Variants in ADGRV1 observed in about 807,000 individuals in gnomAD.
The protein encoded by ADGRV1 is G-protein coupled receptor 98.
ADGRV1 carries 359 observed loss-of-function variants against 596.2 expected under a neutral mutation model. That is an observed-to-expected ratio of 0.60 (90% CI 0.55 to 0.66). The LOEUF is 0.66. ADGRV1 is among the 30% of genes least tolerant of loss of function. The pLI, the probability that ADGRV1 is intolerant of heterozygous loss-of-function variation, is 0.00. For missense variants in ADGRV1, 7,274 were observed against 7,575.6 expected (o/e 0.96, Z 1.48); for synonymous variants, 2,681 against 2,679.2 (o/e 1.00, Z -0.02).
chr5:91,100,325 G>A (rs945199423), intron 86 of ADGRV1, among the ~76,000 whole-genome samples: 2 of 152,176 alleles, frequency 1.3e-5, no homozygotes, highest in Non-Finnish European at 2.9e-5. Context: ...GGGAGGCTGA[G>A]AGGTGGCAGG....
chr5:90,758,923 A>G lies in ADGRV1; in HGVS notation c.11941-486A>G, dbSNP rs578135059. Among the ~76,000 whole-genome samples, 386 of 152,282 alleles carry G rather than the reference A, an allele frequency of 2.5e-3. 4 individuals carry two copies. The highest frequency in any genetic ancestry group is 8.5e-3 in the South Asian group (41 of 4,822). On this transcript the variant is annotated intron_variant, in intron 57 of 89. Coordinates refer to ENST00000405460, the MANE Select transcript of ADGRV1 (RefSeq NM_032119.4). ...GTTGCAAGAACAATATTTGAAACCA[A>G]TGGGATTTATTTTAATTGTAGAAGA...
intron 85 of ADGRV1, among the ~76,000 whole-genome samples, chr5:91,010,023 G>A (rs1020943592): frequency 6.6e-6 from 1 of 151,964 alleles, no homozygotes; most frequent in South Asian, 2.1e-4. Flanking sequence ...CTTGATCAGG[G>A]TTACTCTGGT....
rs55761821 is a variant in ADGRV1, at chr5:90,722,716, C to CAAAAAAAAAAA, written c.9748+1687_9748+1697dup. On this transcript the variant is annotated intron_variant, in intron 45 of 89. Transcript: ENST00000405460. Reference sequence around the variant, plus strand: ...GGCAACAAGAGCAAAAACTCCGTCTCAAAAAAAAAAAAAAAAAAAAAAAAA... The same window carrying CAAAAAAAAAAA: ...GGCAACAAGAGCAAAAACTCCGTCTCAAAAAAAAAAAAAAAAAAAAAAAAAAAAAAAAAAAA... Among the ~76,000 whole-genome samples, 6 of 32,898 alleles carry CAAAAAAAAAAA rather than the reference C, an allele frequency of 1.8e-4. 1 individual carries two copies. Among genetic ancestry groups the CAAAAAAAAAAA allele is most frequent in the African/African-American group, 6.2e-4 (5 of 8,124 alleles). The allele number at this position is 32,898 out of a possible 152,430, so 21.6% of individuals were successfully genotyped here. A position where few individuals can be genotyped will look rare whatever the true frequency, so the allele number is the denominator to read the frequency against.
intron 78 of ADGRV1, among the ~76,000 whole-genome samples, chr5:90,844,066 T>C: frequency 6.6e-6 from 1 of 152,192 alleles, no homozygotes; most frequent in East Asian, 1.9e-4. Flanking sequence ...CAGATACTTA[T>C]TTGGGACATA....
intron 7 of ADGRV1, among the ~76,000 whole-genome samples, chr5:90,628,220 C>CAAAATAAAATAAAATTAAAATAAAAT (rs1765046755): frequency 2.3e-5 from 3 of 129,518 alleles, no homozygotes; most frequent in African/African-American, 9.8e-5. Flanking sequence ...ACCCCGCCCA[C>CAAAATAAAATAAAATTAAAATAAAAT]AAAATAAAAT....
chr5:90,678,918 T>C (rs1160306474), intron 25 of ADGRV1, among the ~76,000 whole-genome samples: 1 of 152,132 alleles, frequency 6.6e-6, no homozygotes, highest in African/African-American at 2.4e-5. Context: ...GCATCTTTCA[T>C]AGGTGAGGAA....
Position 90,652,424 on chromosome 5 carries a change from T to C in ADGRV1, c.3495T>C (p.Pro1165=), listed in dbSNP as rs773060456. 8 of 1,613,064 alleles carry C rather than the reference T, an allele frequency of 5.0e-6. No homozygotes were observed. Among genetic ancestry groups the C allele is most frequent in the Admixed American group, 3.3e-5 (2 of 59,998 alleles). ...TTCAGAATGATTCTGCTTTGCAGCC[T>C]GGGCAGGAGTTCTATGAAACTTCAG... ...QLFQNDSALQ[P]GQEFYETSGT... Residue 1165 remains proline (P), a synonymous_variant, in exon 19 of 90, where the codon CCT becomes CCC. Coordinates refer to ENST00000405460, the MANE Select transcript of ADGRV1 (RefSeq NM_032119.4).
intron 59 of ADGRV1, among the ~76,000 whole-genome samples, chr5:90,769,229 G>A (rs752035490): frequency 5.3e-5 from 8 of 152,014 alleles, no homozygotes; most frequent in Non-Finnish European, 8.8e-5. Flanking sequence ...GTTCTGAAAA[G>A]CTCTCCCTCT....
chr5:90,668,688 T>G (rs151268590), intron 21 of ADGRV1, among the ~76,000 whole-genome samples: 2 of 152,192 alleles, frequency 1.3e-5, no homozygotes, highest in Non-Finnish European at 2.9e-5. Flanking sequence ...TTTTAGAACT[T>G]AAAAAATTTA....
chr5:91,150,363 AC>A, intron 88 of ADGRV1, 142 bp downstream of exon 88: 1 of 604,830 alleles, frequency 1.7e-6, no homozygotes, highest in Non-Finnish European at 2.6e-6. Context: ...ACACTAGGTG[AC>A]TTTTAAATCA....
chr5:90,975,466 G>C (rs935770581), intron 84 of ADGRV1, among the ~76,000 whole-genome samples: 3 of 152,154 alleles, frequency 2.0e-5, no homozygotes, highest in Admixed American at 2.0e-4. Flanking sequence ...GTCCATCAGT[G>C]ATAGACTGGA....
At chr5:90,965,598 T>C (rs1159276249) in intron 84 of ADGRV1, 67 bp downstream of exon 84, 1 of 822,450 alleles carries the variant, frequency 1.2e-6, no homozygotes. Flanking sequence ...GTGGTCTTAA[T>C]GTCTGATACT....
chr5:90,600,773 T>C (rs1213366510), intron 1 of ADGRV1, among the ~76,000 whole-genome samples: 3 of 152,166 alleles, frequency 2.0e-5, no homozygotes, highest in African/African-American at 7.2e-5. Context: ...CTTCATATCA[T>C]TGGTAAATTC....
chr5:90,985,231 T>G, intron 84 of ADGRV1, 113 bp from the exon 85 acceptor site: 1 of 573,600 alleles, frequency 1.7e-6, no homozygotes, highest in Non-Finnish European at 2.8e-6. Context: ...CAAAACTAAT[T>G]ATTAAGTAGA....
intron 52 of ADGRV1, 150 bp from the exon 53 acceptor site, chr5:90,750,401 T>C: frequency 1.7e-6 from 1 of 577,932 alleles, no homozygotes; most frequent in East Asian, 2.6e-5. Flanking sequence ...GGTCATTCTA[T>C]ATGACTGTTT....
intron 86 of ADGRV1, among the ~76,000 whole-genome samples, chr5:91,099,403 G>A (rs897744486): frequency 3.9e-5 from 6 of 152,118 alleles, no homozygotes; most frequent in African/African-American, 1.4e-4. Context: ...TACAGAGCAA[G>A]GTGTGCATCT....
intron 85 of ADGRV1, among the ~76,000 whole-genome samples, chr5:91,067,278 G>A (rs1787964992): frequency 2.0e-5 from 3 of 151,898 alleles, no homozygotes; most frequent in Admixed American, 1.3e-4. Flanking sequence ...CGAGTAGCTG[G>A]GATTAAAAGC....
intron 22 of ADGRV1, 197 bp downstream of exon 22, chr5:90,672,919 C>T: frequency 2.0e-6 from 1 of 507,478 alleles, no homozygotes; most frequent in Non-Finnish European, 3.4e-6. Context: ...TTCTTCATCA[C>T]TTTATTTTGT....
At chr5:90,850,692 A>G (rs1766398665) in intron 79 of ADGRV1, 1 of 152,186 alleles carries the variant, frequency 6.6e-6, no homozygotes, top group South Asian at 2.1e-4. Context: ...TAAGATCACC[A>G]GCATGTTAAA....
Sources: allele counts gnomAD v4.1 joint callset (sites outside exome capture counted in the v4.1 genomes callset), GRCh38; gene constraint gnomAD v4.1.1; transcripts MANE v1.5; gene names NCBI Gene and HGNC (gene_info 2026-07-23, HGNC 2026-07-21).